Variants in AFF4 observed in about 807,000 individuals in gnomAD.
The protein encoded by AFF4 is AF4/FMR2 family member 4.
Under a neutral mutation model 124.8 loss-of-function variants are expected in AFF4, and 13 were observed. The observed-to-expected ratio is 0.10, with a 90% CI of 0.07 to 0.17. AFF4 has a LOEUF of 0.17. Ranked by LOEUF, AFF4 falls within the 10% of genes least tolerant of loss-of-function variation. The probability of loss-of-function intolerance (pLI) is 1.00; values close to 1 mark genes in which losing one functional copy is unlikely to be tolerated. For missense variants in AFF4, 1,092 were observed against 1,403.8 expected, an observed-to-expected ratio of 0.78 and a Z score of 3.55; for synonymous variants, 477 against 496.1, an observed-to-expected ratio of 0.96 and a Z score of 0.51.
In AFF4 at chr5:132,888,963, T is replaced by C. The variant is rs1473820035; in HGVS notation, c.2732+116A>G. ...TGCCTGCCTGGGCCTCCAAAAGAGCTGGGATTACAAGCGTGAGCCACCGCG... is the reference window on the plus strand; with the variant it reads ...TGCCTGCCTGGGCCTCCAAAAGAGCCGGGATTACAAGCGTGAGCCACCGCG... On this transcript the variant is annotated intron_variant, in intron 14 of 20. Coordinates refer to ENST00000265343, the MANE Select transcript of AFF4 (RefSeq NM_014423.4). 9.9e-6 allele frequency: 9 copies of C among 907,670 alleles called. No homozygotes were observed. The African/African-American group carries it at 1.2e-4, about 12-fold the overall frequency. The allele number at this position is 907,670 out of a possible 1,614,324, so 56.2% of individuals were successfully genotyped here. A position where few individuals can be genotyped will look rare whatever the true frequency, so the allele number is the denominator to read the frequency against.
At chr5:132,890,155 A>C (rs1206366096) in intron 13 of AFF4, among the ~76,000 whole-genome samples, 1 of 151,114 alleles carries the variant, frequency 6.6e-6, no homozygotes, top group East Asian at 1.9e-4. Context: ...CCCCATATAA[A>C]ATTTTTTATA....
chr5:132,938,352 A>T (rs67904956), intron 1 of AFF4, among the ~76,000 whole-genome samples: 1 of 150,996 alleles, frequency 6.6e-6, no homozygotes, highest in Non-Finnish European at 1.5e-5. Context: ...ACCACAACCT[A>T]TGCCTCCCGG....
At position 132,934,545 on chromosome 5, in the gene AFF4, A is replaced by G. The variant is rs747072238; in HGVS notation, c.520T>C (p.Ser174Pro). 4 of 1,613,876 alleles carry G rather than the reference A, an allele frequency of 2.5e-6. No homozygotes were observed. Among genetic ancestry groups the G allele is most frequent in the South Asian group, 1.1e-5 (1 of 91,066 alleles). ...RKKGQHGSEHSKSRSSSPGKP... is the reference protein window; with the variant it reads ...RKKGQHGSEHPKSRSSSPGKP... ...CCAGGGCTGGAAGAACGTGATTTGG[A>G]GTGTTCTGATCCATGCTGGCCTTTT... Residue 174 changes from serine to proline, a missense_variant, in exon 3 of 21, where the codon TCC (serine) becomes CCC (proline). Ser to Pro is a moderately conservative substitution (Grantham distance 74). This residue lies in a region of AFF4 where 188 missense variants were observed against 203.0 expected (regional missense o/e 0.93). Transcript: ENST00000265343.
intron 1 of AFF4, among the ~76,000 whole-genome samples, chr5:132,949,922 C>G (rs933975006): frequency 6.6e-6 from 1 of 151,176 alleles, no homozygotes; most frequent in Non-Finnish European, 1.5e-5. Context: ...TACTTGGAGA[C>G]TGAGGCAGAA....
chr5:132,927,204 T>A lies in AFF4; in HGVS notation c.967A>T (p.Met323Leu). ...VSCVDEILKEMTHSWPPPLTA... is the reference protein window; with the variant it reads ...VSCVDEILKELTHSWPPPLTA... ...AGAGGGGGAGGCCATGAATGCGTCATCTCCTGAAATGTAATTATTACAGTT... is the reference window on the plus strand; with the variant it reads ...AGAGGGGGAGGCCATGAATGCGTCAACTCCTGAAATGTAATTATTACAGTT... Residue 323 changes from methionine to leucine, a missense_variant, in exon 5 of 21, where the codon ATG (methionine) becomes TTG (leucine). By Grantham distance (15) the Met-to-Leu change is conservative. Transcript: ENST00000265343. 1 of 1,609,936 alleles carries A rather than the reference T, an allele frequency of 6.2e-7. No homozygotes were observed. The highest frequency in any genetic ancestry group is 8.5e-7 in the Non-Finnish European group (1 of 1,178,632).
intron 5 of AFF4, among the ~76,000 whole-genome samples, chr5:132,919,854 A>G (rs1761002145): frequency 6.6e-6 from 1 of 152,146 alleles, no homozygotes. Flanking sequence ...TTTCAAAAAC[A>G]GAAAAGAAAG....
At chr5:132,927,038 C>G in intron 5 of AFF4, 83 bp downstream of exon 5, 2 of 1,200,592 alleles carry the variant, frequency 1.7e-6, no homozygotes, top group Non-Finnish European at 2.4e-6. Context: ...ATAGGAATGG[C>G]AAGACAATTT....
Position 132,892,337 on chromosome 5 carries a change from T to C in AFF4, c.2464A>G (p.Lys822Glu). ...LPSPAGPVPS[K>E]DPKTEHGSRK... ...GAGCCATGCTCTGTTTTTGGATCTT[T>C]TGAAGGAACAGGCCCAGCGGGAGAA... is the stretch of plus-strand genomic sequence containing the variant. The change falls in exon 13 of 21, where the codon AAA becomes GAA. Residue 822 changes from lysine to glutamate, a missense_variant. By Grantham distance (56) the Lys-to-Glu change is moderately conservative. Transcript: ENST00000265343. 2 of 1,614,156 alleles carry C rather than the reference T, an allele frequency of 1.2e-6. No individual in the cohort carries two copies. The highest frequency in any genetic ancestry group is 1.1e-5 in the South Asian group (1 of 91,088).
At position 132,875,858 on chromosome 5, in the gene AFF4, A is replaced by G. The variant is rs772002964; in HGVS notation, c.*5201T>C. ...TTTGGATAAAAGAAATGTAAAACAA[A>G]GATTTGGTTCATGTACAAAACAAAG... On this transcript the variant is annotated 3_prime_UTR_variant, in exon 21 of 21. Coordinates refer to ENST00000265343, the MANE Select transcript of AFF4 (RefSeq NM_014423.4). 1.9e-4 allele frequency: 41 copies of G among 221,464 alleles called. No homozygotes were observed. In the Middle Eastern group the frequency reaches 5.7e-3, roughly 31 times the overall value. 13.7% of individuals were successfully genotyped at this position (221,464 alleles called of 1,614,324 possible). A position where few individuals can be genotyped will look rare whatever the true frequency, so the allele number is the denominator to read the frequency against.
In AFF4 at chr5:132,896,438, T is replaced by A; in HGVS notation, c.2192A>T (p.Tyr731Phe). The A allele has an allele frequency of 1.9e-6, 3 of 1,614,232 alleles. No homozygotes were observed. Among genetic ancestry groups the A allele is most frequent in the Non-Finnish European group, 2.5e-6 (3 of 1,180,032 alleles). The change falls in exon 11 of 21, where the codon TAC becomes TTC. Residue 731 changes from tyrosine (Y) to phenylalanine (F), a missense_variant. Physicochemically the swap from Tyr to Phe is conservative, Grantham distance 22. This residue lies in a region of AFF4 where 293 missense variants were observed against 280.2 expected (regional missense o/e 1.05). Coordinates refer to ENST00000265343, the MANE Select transcript of AFF4 (RefSeq NM_014423.4). ...CCCCTTGGGCGGCTCTGTTTCTTTG[T>A]AAGGCTTTCCTGGTATTCTAGTCAA... ...NLLTRIPGKP[Y>F]KETEPPKGEK... is the part of the protein sequence containing the mutation.
chr5:132,904,645 T>C (rs1760628829), intron 5 of AFF4, among the ~76,000 whole-genome samples: 1 of 152,240 alleles, frequency 6.6e-6, no homozygotes. Context: ...GCATCCATTG[T>C]AGTCATATCC....
Position 132,896,801 on chromosome 5 carries a change from T to G in AFF4, c.1829A>C (p.Lys610Thr). 6.2e-7 allele frequency: 1 copy of G among 1,614,142 alleles called. No homozygotes were observed. Among genetic ancestry groups the G allele is most frequent in the South Asian group, 1.1e-5 (1 of 91,078 alleles). Residue 610 changes from lysine to threonine, a missense_variant, in exon 11 of 21, where the codon AAA (lysine) becomes ACA (threonine). By Grantham distance (78) the Lys-to-Thr change is moderately conservative (BLOSUM62 -1). Around this residue, in one of 11 missense-constraint regions of AFF4, gnomAD observed 174 missense variants for 205.9 expected, o/e 0.84. Coordinates refer to ENST00000265343, the MANE Select transcript of AFF4 (RefSeq NM_014423.4). ...RHKAATKGSR[K>T]PNIKKESKSS... ...CTTAGACTCCTTCTTTATATTGGGT[T>G]TCCTTGAGCCTTTGGTGGCTGCTTT... is the stretch of plus-strand genomic sequence containing the variant.
At position 132,927,227 on chromosome 5, in the gene AFF4, GT is replaced by G; in HGVS notation, c.964-21del. The G allele has an allele frequency of 6.2e-7, 1 of 1,604,170 alleles. No homozygotes were observed. The highest frequency in any genetic ancestry group is 8.5e-7 in the Non-Finnish European group (1 of 1,174,260). On this transcript the variant is annotated intron_variant, in intron 4 of 20. Transcript: ENST00000265343. ...CATCTCCTGAAATGTAATTATTACA[GT>G]TTGTTTTCAACCAGGTCAAGGATAA...
intron 1 of AFF4, among the ~76,000 whole-genome samples, chr5:132,954,992 T>C (rs1393507902): frequency 6.6e-6 from 1 of 152,118 alleles, no homozygotes; most frequent in Non-Finnish European, 1.5e-5. Context: ...CACATGAACT[T>C]GAAGGATGCT....
rs117144009 is a variant in AFF4, at chr5:132,959,489, T to C, written c.-5+3770A>G. ...AGCTAAGATTTTTTTTCTTCAAAAA[T>C]AGAATAGGTAGTTCTAGTATTAAAA... On this transcript the variant is annotated intron_variant, in intron 1 of 20. Transcript: ENST00000265343. 2.9e-4 allele frequency among the ~76,000 whole-genome samples: 44 copies of C among 152,170 alleles called. 1 individual carries two copies. The South Asian group carries it at 4.4e-3, about 15-fold the overall frequency.
chr5:132,880,985 T>A lies in AFF4; in HGVS notation c.*74A>T. 2 of 1,541,368 alleles carry A rather than the reference T, an allele frequency of 1.3e-6. No homozygotes were observed. The highest frequency in any genetic ancestry group is 1.8e-6 in the Non-Finnish European group (2 of 1,142,488). On this transcript the variant is annotated 3_prime_UTR_variant, in exon 21 of 21. Transcript: ENST00000265343. Reference sequence around the variant, plus strand: ...CATTCTTAGTGTCGACTAGGTGGTATGTTATGGCAGTTTTCCTTCGTGATG... The same window carrying A: ...CATTCTTAGTGTCGACTAGGTGGTAAGTTATGGCAGTTTTCCTTCGTGATG...
Sources: allele counts gnomAD v4.1 joint callset (sites outside exome capture counted in the v4.1 genomes callset), GRCh38; gene constraint gnomAD v4.1.1; regional missense constraint gnomAD v4.1.1; transcripts MANE v1.5; gene names NCBI Gene and HGNC (gene_info 2026-07-23, HGNC 2026-07-21).